CYRIB: variants seen among roughly 807,000 people sequenced by gnomAD.
CYRIB encodes the protein CYFIP related Rac1 interactor B.
CYRIB carries 8 observed loss-of-function variants against 44.2 expected under a neutral mutation model. The observed-to-expected ratio is 0.18, with a 90% CI of 0.11 to 0.33. The LOEUF is 0.33. Ranked by LOEUF, CYRIB falls within the 10% of genes least tolerant of loss-of-function variation. The pLI, the probability that CYRIB is intolerant of heterozygous loss-of-function variation, is 1.00. For synonymous variants in CYRIB, 131 were observed against 127.2 expected, an observed-to-expected ratio of 1.03 and a Z score of -0.20; for missense variants, 185 against 382.8, an observed-to-expected ratio of 0.48 and a Z score of 4.31.
intron 2 of CYRIB, among the ~76,000 whole-genome samples, chr8:129,897,102 T>C (rs2068470063): frequency 6.6e-6 from 1 of 152,126 alleles, no homozygotes; most frequent in African/African-American, 2.4e-5. Flanking sequence ...TGGCTTTATA[T>C]CCCATTACCA....
At chr8:129,902,078 T>C (rs549902243) in intron 2 of CYRIB, among the ~76,000 whole-genome samples, 2 of 152,292 alleles carry the variant, frequency 1.3e-5, no homozygotes, top group South Asian at 4.1e-4. Flanking sequence ...AAAGAGGTCC[T>C]TGGCACAAAA....
At chr8:129,943,723 C>A (rs983338806), upstream of CYRIB, among the ~76,000 whole-genome samples, 3 of 148,840 alleles carry the variant, frequency 2.0e-5, no homozygotes, top group African/African-American at 7.4e-5. Flanking sequence ...CTCAGCCTCC[C>A]GAGCAGCTGG....
intron 1 of CYRIB, among the ~76,000 whole-genome samples, chr8:130,009,343 T>C (rs1339368579): frequency 2.0e-5 from 3 of 151,818 alleles, no homozygotes; most frequent in South Asian, 2.1e-4. Flanking sequence ...TTTTGGCTCA[T>C]TGCAACCTCT....
intron 1 of CYRIB, among the ~76,000 whole-genome samples, chr8:129,932,406 C>G (rs935157390): frequency 6.6e-6 from 1 of 152,086 alleles, no homozygotes; most frequent in African/African-American, 2.4e-5. Context: ...TCCTCCAGAG[C>G]AAAGGGCAGG....
exon 12 of CYRIB, chr8:129,840,697 A>G (rs1414673713): frequency 2.0e-5 from 3 of 152,274 alleles, no homozygotes; most frequent in Admixed American, 2.0e-4. Flanking sequence ...GACCAGCCAG[A>G]CCAGAGCTAA....
intron 1 of CYRIB, among the ~76,000 whole-genome samples, chr8:129,979,756 T>C (rs1190484019): frequency 2.0e-5 from 3 of 151,354 alleles, no homozygotes; most frequent in African/African-American, 7.3e-5. Context: ...TCTCTACTAA[T>C]AATACAAAAA....
At chr8:129,913,741 G>T (rs1253369982) in intron 1 of CYRIB, among the ~76,000 whole-genome samples, 1 of 151,766 alleles carries the variant, frequency 6.6e-6, no homozygotes, top group Non-Finnish European at 1.5e-5. Context: ...TCTCTAGTGG[G>T]GATAATATTA....
chr8:129,921,122 A>T (rs1243417834), intron 1 of CYRIB, among the ~76,000 whole-genome samples: 4 of 152,200 alleles, frequency 2.6e-5, no homozygotes, highest in Non-Finnish European at 2.9e-5. Flanking sequence ...TTCCTAATGT[A>T]CCTTTTACTC....
intron 1 of CYRIB, among the ~76,000 whole-genome samples, chr8:129,939,339 C>G (rs1235467364): frequency 6.8e-6 from 1 of 147,338 alleles, no homozygotes; most frequent in Non-Finnish European, 1.5e-5. Context: ...GGCGAGAGCG[C>G]GCGTGGAGGT....
intron 2 of CYRIB, among the ~76,000 whole-genome samples, chr8:129,965,368 A>G (rs2095433977): frequency 6.6e-6 from 1 of 152,006 alleles, no homozygotes; most frequent in South Asian, 2.1e-4. Context: ...TTGTTTTCCT[A>G]CATCTGGCAG....
chr8:129,899,986 A>G (rs2070637388), intron 2 of CYRIB, among the ~76,000 whole-genome samples: 1 of 152,140 alleles, frequency 6.6e-6, no homozygotes. Context: ...TTTCCTTAAC[A>G]TTAGTAACTC....
At chr8:130,011,537 G>GC (rs2097214800) in intron 1 of CYRIB, among the ~76,000 whole-genome samples, 1 of 151,248 alleles carries the variant, frequency 6.6e-6, no homozygotes, top group South Asian at 2.1e-4. Flanking sequence ...TAAAAATTAG[G>GC]CTGGGCATGG....
chr8:129,997,116 A>AG (rs1491443129), intron 1 of CYRIB, among the ~76,000 whole-genome samples: 2 of 60,238 alleles, frequency 3.3e-5, no homozygotes, highest in African/African-American at 4.2e-4. Context: ...GAAGGAAGGA[A>AG]GGAAGGAGGA....
chr8:130,010,122 A>C (rs1164900716), intron 1 of CYRIB, among the ~76,000 whole-genome samples: 1 of 152,196 alleles, frequency 6.6e-6, no homozygotes, highest in Non-Finnish European at 1.5e-5. Flanking sequence ...AAAAGACAGA[A>C]AGAGGATTAG....
upstream of CYRIB, among the ~76,000 whole-genome samples, chr8:129,943,399 A>G (rs1453890966): frequency 6.6e-6 from 1 of 151,502 alleles, no homozygotes; most frequent in East Asian, 2.0e-4. Context: ...TGGCCTAACT[A>G]ACATGGTGAA....
intron 4 of CYRIB, among the ~76,000 whole-genome samples, chr8:129,870,857 TAA>T (rs1184843037): frequency 1.3e-5 from 2 of 151,694 alleles, no homozygotes; most frequent in African/African-American, 4.8e-5. Flanking sequence ...AAGAAATAAT[TAA>T]AAGAGTAAAG....
intron 2 of CYRIB, chr8:129,880,546 A>C (rs1588408469): frequency 6.2e-6 from 3 of 482,240 alleles, no homozygotes; most frequent in African/African-American, 4.2e-5. Context: ...CTTGCTCATA[A>C]TTATCAACAG....
At chr8:129,864,592 A>T (rs1426022887) in intron 4 of CYRIB, 2 of 167,932 alleles carry the variant, frequency 1.2e-5, no homozygotes, top group Non-Finnish European at 2.5e-5. Context: ...TCCTGGCCCC[A>T]CCCAGCCCAA....
chr8:130,005,768 A>C (rs967988012), intron 1 of CYRIB, among the ~76,000 whole-genome samples: 1 of 151,844 alleles, frequency 6.6e-6, no homozygotes, highest in Non-Finnish European at 1.5e-5. Context: ...ACTTGAGCTC[A>C]AGAGTTCAAG....
Sources: gnomAD v4.1 joint callset for allele counts (sites outside exome capture counted in the v4.1 genomes callset) on GRCh38, gnomAD v4.1.1 for gene constraint, MANE v1.5 for transcripts, NCBI Gene and HGNC (gene_info 2026-07-23, HGNC 2026-07-21) for gene names.